Variants in KHDRBS2 observed in about 807,000 individuals in gnomAD.
The protein encoded by KHDRBS2 is KH RNA binding domain containing, signal transduction associated 2.
KHDRBS2 carries 26 observed loss-of-function variants against 44.3 expected under a neutral mutation model. The observed-to-expected ratio is 0.59, with a 90% CI of 0.43 to 0.81. The LOEUF (loss-of-function observed/expected upper bound fraction) is 0.81, where lower values mean the gene tolerates loss of function less well. Among genes scored for constraint, KHDRBS2 ranks in the 40% least tolerant of loss-of-function variants. The pLI is 0.00. For synonymous variants in KHDRBS2, 194 were observed against 151.1 expected, an observed-to-expected ratio of 1.28 and a Z score of -2.08; for missense variants, 476 against 433.1, an observed-to-expected ratio of 1.10 and a Z score of -0.88.
At chr6:61,982,604 G>A (rs1774079216) in intron 3 of KHDRBS2, among the ~76,000 whole-genome samples, 1 of 151,470 alleles carries the variant, frequency 6.6e-6, no homozygotes, top group African/African-American at 2.4e-5. Flanking sequence ...CCGGAAGGTG[G>A]AGCTTCCAGT....
At chr6:62,122,341 A>C (rs1807858344) in intron 2 of KHDRBS2, among the ~76,000 whole-genome samples, 1 of 152,106 alleles carries the variant, frequency 6.6e-6, no homozygotes, top group Non-Finnish European at 1.5e-5. Context: ...TCGGGCTTTG[A>C]TAGAAACTGA....
chr6:62,224,316 T>A (rs1329426372), intron 1 of KHDRBS2, among the ~76,000 whole-genome samples: 1 of 152,166 alleles, frequency 6.6e-6, no homozygotes. Flanking sequence ...GCCTCCATGA[T>A]TGAAATCATC....
intron 4 of KHDRBS2, among the ~76,000 whole-genome samples, chr6:61,907,743 A>G (rs550815960): frequency 1.3e-5 from 2 of 152,250 alleles, no homozygotes; most frequent in African/African-American, 4.8e-5. Context: ...CTAAACCCTC[A>G]AAGTTTTATA....
In KHDRBS2 at chr6:61,746,751, G is replaced by A. The variant is rs539214150; in HGVS notation, c.811-13987C>T. On this transcript the variant is annotated intron_variant, in intron 6 of 8. Coordinates refer to ENST00000281156, the MANE Select transcript of KHDRBS2 (RefSeq NM_152688.4). ...CTCAAGATGGATTAAATACTTAAAT[G>A]TAAAACCCCAAACCATAAAAACCCT... Among the ~76,000 whole-genome samples the A allele has an allele frequency of 1.1e-4, 17 of 152,184 alleles. No homozygotes were observed. The South Asian group carries it at 3.5e-3, about 32-fold the overall frequency.
At chr6:61,924,297 C>A (rs1379816917) in intron 4 of KHDRBS2, among the ~76,000 whole-genome samples, 1 of 151,934 alleles carries the variant, frequency 6.6e-6, no homozygotes, top group East Asian at 1.9e-4. Context: ...AGTAAGTGGG[C>A]CATGGTAATA....
chr6:61,571,115 G>T, the KHDRBS2 span, among the ~76,000 whole-genome samples: 127 of 152,000 alleles, frequency 8.4e-4, no homozygotes, highest in African/African-American at 2.9e-3. Context: ...CCACTTAAAA[G>T]ATACAGAATG....
At chr6:61,616,380 T>C in the KHDRBS2 span, among the ~76,000 whole-genome samples, 5 of 151,818 alleles carry the variant, frequency 3.3e-5, no homozygotes, top group African/African-American at 1.2e-4. Context: ...AATTGGGCAG[T>C]GGTTAGCTGG....
At chr6:61,656,672 C>G in the KHDRBS2 span, among the ~76,000 whole-genome samples, 1 of 151,932 alleles carries the variant, frequency 6.6e-6, no homozygotes, top group Non-Finnish European at 1.5e-5. Flanking sequence ...CTACTTCAAG[C>G]TACCAAAATG....
At chr6:61,780,838 G>A (rs1782823756) in intron 6 of KHDRBS2, among the ~76,000 whole-genome samples, 1 of 152,154 alleles carries the variant, frequency 6.6e-6, no homozygotes, top group Admixed American at 6.5e-5. Flanking sequence ...CCTGTCATCA[G>A]GGTGTCTGCC....
chr6:62,126,207 G>T (rs1238841244), intron 2 of KHDRBS2, among the ~76,000 whole-genome samples: 5 of 152,186 alleles, frequency 3.3e-5, no homozygotes, highest in African/African-American at 4.8e-5. Context: ...TAGCTTGGCA[G>T]TATTTGCCGT....
intron 1 of KHDRBS2, among the ~76,000 whole-genome samples, chr6:62,260,946 C>G (rs1431485271): frequency 6.6e-6 from 1 of 151,826 alleles, no homozygotes; most frequent in Non-Finnish European, 1.5e-5. Context: ...TTCCCAGTAT[C>G]CTTTTTCAGG....
chr6:61,629,868 C>T, the KHDRBS2 span, among the ~76,000 whole-genome samples: 1 of 152,108 alleles, frequency 6.6e-6, no homozygotes, highest in Non-Finnish European at 1.5e-5. Flanking sequence ...TGTAAGAGTC[C>T]ACATTATTTT....
At chr6:62,034,054 T>G (rs181715025) in intron 3 of KHDRBS2, among the ~76,000 whole-genome samples, 15 of 151,872 alleles carry the variant, frequency 9.9e-5, no homozygotes, top group African/African-American at 3.4e-4. Context: ...GCCAATATAT[T>G]GGAAAATCTA....
At chr6:62,156,374 C>A (rs552944882) in intron 2 of KHDRBS2, among the ~76,000 whole-genome samples, 21 of 152,148 alleles carry the variant, frequency 1.4e-4, no homozygotes, top group African/African-American at 5.1e-4. Context: ...TTAAATCTTA[C>A]AATAAAGCAT....
chr6:61,713,809 A>T (rs1770927082), intron 7 of KHDRBS2, among the ~76,000 whole-genome samples: 1 of 151,800 alleles, frequency 6.6e-6, no homozygotes, highest in Non-Finnish European at 1.5e-5. Context: ...CACCTTCTTC[A>T]ATAAAGGATG....
intron 3 of KHDRBS2, among the ~76,000 whole-genome samples, chr6:61,985,477 T>C (rs1774876351): frequency 1.3e-5 from 2 of 152,174 alleles, no homozygotes; most frequent in South Asian, 2.1e-4. Flanking sequence ...AGTTTGCTCT[T>C]GTGGCTCCCA....
chr6:61,770,458 T>C (rs1780692613), intron 6 of KHDRBS2, among the ~76,000 whole-genome samples: 1 of 152,028 alleles, frequency 6.6e-6, no homozygotes, highest in South Asian at 2.1e-4. Context: ...GACGAATGGA[T>C]AAGTAGAATA....
At chr6:61,608,179 T>A in the KHDRBS2 span, among the ~76,000 whole-genome samples, 1 of 152,116 alleles carries the variant, frequency 6.6e-6, no homozygotes, top group Admixed American at 6.6e-5. Flanking sequence ...AATACTGAAT[T>A]ATGAATTATC....
chr6:61,553,690 T>C, the KHDRBS2 span, among the ~76,000 whole-genome samples: 1 of 152,140 alleles, frequency 6.6e-6, no homozygotes, highest in African/African-American at 2.4e-5. Context: ...CAGATTCTGG[T>C]ATGTTATATC....
Sources: allele counts gnomAD v4.1 joint callset (sites outside exome capture counted in the v4.1 genomes callset), GRCh38; gene constraint gnomAD v4.1.1; transcripts MANE v1.5; gene names NCBI Gene and HGNC (gene_info 2026-07-23, HGNC 2026-07-21).